The following RBFOX1 variants were observed in gnomAD, a reference collection of about 807,000 sequenced individuals.
The protein encoded by RBFOX1 is RNA binding protein fox-1 homolog 1.
In RBFOX1, 8 loss-of-function variants were observed where a neutral mutation model predicts 57.7. The observed-to-expected ratio is 0.14, with a 90% CI of 0.08 to 0.25. RBFOX1 has a LOEUF of 0.25. RBFOX1 is among the 10% of genes least tolerant of loss of function. RBFOX1 has a pLI of 1.00. For missense variants in RBFOX1, 611 were observed against 548.5 expected (o/e 1.11, Z -1.14); for synonymous variants, 326 against 222.4 (o/e 1.47, Z -4.15).
intron 4 of RBFOX1, among the ~76,000 whole-genome samples, chr16:5,937,908 C>T (rs548967873): frequency 2.6e-4 from 40 of 151,818 alleles, no homozygotes; most frequent in African/African-American, 9.2e-4. Flanking sequence ...TTTCAGTTGA[C>T]TTATTTCTTA....
chr16:7,064,186 T>C (rs12103019), intron 4 of RBFOX1, among the ~76,000 whole-genome samples: 97,334 of 132,184 alleles, frequency 0.74, 35,585 homozygotes, highest in East Asian at 0.91. Context: ...TTTTTTTTTC[T>C]GAGGTGGAGT....
At chr16:6,072,134 G>A (rs1199202310) in intron 1 of RBFOX1, among the ~76,000 whole-genome samples, 1 of 152,188 alleles carries the variant, frequency 6.6e-6, no homozygotes, top group Non-Finnish European at 1.5e-5. Flanking sequence ...TTACATGGCT[G>A]CAGGCAAGAG....
intron 4 of RBFOX1, among the ~76,000 whole-genome samples, chr16:7,292,009 A>ATG (rs2095789061): frequency 7.1e-6 from 1 of 141,244 alleles, no homozygotes; most frequent in Non-Finnish European, 1.5e-5. Flanking sequence ...TATATGTATT[A>ATG]TATATTGTAT....
At chr16:7,319,373 A>T (rs1193709282) in intron 4 of RBFOX1, among the ~76,000 whole-genome samples, 2 of 152,192 alleles carry the variant, frequency 1.3e-5, no homozygotes, top group Non-Finnish European at 2.9e-5. Flanking sequence ...GTGCCTAACC[A>T]GCTCAATAAG....
At chr16:7,478,387 T>A (rs1468167682) in intron 4 of RBFOX1, among the ~76,000 whole-genome samples, 1 of 152,138 alleles carries the variant, frequency 6.6e-6, no homozygotes, top group East Asian at 1.9e-4. Context: ...AAGGGAAAGA[T>A]TTTTTAAGGG....
intron 1 of RBFOX1, among the ~76,000 whole-genome samples, chr16:6,024,534 G>T (rs986130741): frequency 2.6e-5 from 4 of 152,076 alleles, no homozygotes; most frequent in African/African-American, 9.7e-5. Context: ...TGTATCCCAG[G>T]CTGTAGTACA....
intron 3 of RBFOX1, among the ~76,000 whole-genome samples, chr16:6,667,554 TATC>T (rs1193936837): frequency 6.6e-6 from 1 of 152,056 alleles, no homozygotes; most frequent in Non-Finnish European, 1.5e-5. Flanking sequence ...TGAGGGTACT[TATC>T]ATCTTGGCTA....
At chr16:7,208,903 C>G (rs2090538037) in intron 4 of RBFOX1, among the ~76,000 whole-genome samples, 1 of 152,054 alleles carries the variant, frequency 6.6e-6, no homozygotes, top group Non-Finnish European at 1.5e-5. Context: ...AGCAAGAATT[C>G]ACTCACCCTC....
At chr16:5,504,061 A>C (rs1168985388) in intron 2 of RBFOX1, among the ~76,000 whole-genome samples, 2 of 152,142 alleles carry the variant, frequency 1.3e-5, no homozygotes, top group Non-Finnish European at 2.9e-5. Flanking sequence ...CCTTCCTGGC[A>C]TCTGGAGCAG....
intron 1 of RBFOX1, among the ~76,000 whole-genome samples, chr16:6,315,455 C>A (rs578042729): frequency 3.3e-5 from 4 of 119,910 alleles, no homozygotes; most frequent in Non-Finnish European, 6.8e-5. Context: ...ATGGGTGAAT[C>A]GGTGGATGGG....
At chr16:5,895,517 G>A (rs1246528665) in intron 4 of RBFOX1, among the ~76,000 whole-genome samples, 3 of 152,176 alleles carry the variant, frequency 2.0e-5, no homozygotes, top group Non-Finnish European at 2.9e-5. Flanking sequence ...GTTTTCATTC[G>A]GAAATGATAA....
chr16:5,830,974 C>CG (rs1567599415), intron 3 of RBFOX1, among the ~76,000 whole-genome samples: 1 of 152,116 alleles, frequency 6.6e-6, no homozygotes, highest in African/African-American at 2.4e-5. Flanking sequence ...CTATCCCCCC[C>CG]CAACTCTGTT....
intron 14 of RBFOX1, among the ~76,000 whole-genome samples, chr16:7,703,605 G>A (rs950782737): frequency 5.3e-5 from 8 of 152,314 alleles, no homozygotes; most frequent in African/African-American, 1.9e-4. Flanking sequence ...AAACCCTGGT[G>A]TGGAGTACCA....
At chr16:6,129,740 T>A (rs2096616417) in intron 1 of RBFOX1, among the ~76,000 whole-genome samples, 1 of 126,568 alleles carries the variant, frequency 7.9e-6, no homozygotes, top group African/African-American at 3.2e-5. Flanking sequence ...ACATCAGTCA[T>A]ATTGACGAAA....
chr16:7,158,377 T>C (rs1210744298), intron 4 of RBFOX1, among the ~76,000 whole-genome samples: 1 of 152,142 alleles, frequency 6.6e-6, no homozygotes, highest in African/African-American at 2.4e-5. Flanking sequence ...GGGTTAGGGT[T>C]ATCACAACCA....
intron 2 of RBFOX1, among the ~76,000 whole-genome samples, chr16:6,531,102 A>G (rs1253887022): frequency 6.6e-6 from 1 of 152,184 alleles, no homozygotes; most frequent in Non-Finnish European, 1.5e-5. Flanking sequence ...CATGAGTGAC[A>G]GTCAAGTCAC....
chr16:7,495,830 A>G (rs1396074020), intron 4 of RBFOX1, among the ~76,000 whole-genome samples: 1 of 152,220 alleles, frequency 6.6e-6, no homozygotes, highest in Non-Finnish European at 1.5e-5. Context: ...AGCAAACATC[A>G]CCTGTTCCCC....
At chr16:7,076,738 C>T (rs930986490) in intron 4 of RBFOX1, among the ~76,000 whole-genome samples, 8 of 152,160 alleles carry the variant, frequency 5.3e-5, no homozygotes, top group Non-Finnish European at 1.2e-4. Context: ...TCACTCGTAA[C>T]AGTGTATGCA....
At chr16:6,891,813 G>C (rs1285622041) in intron 3 of RBFOX1, among the ~76,000 whole-genome samples, 1 of 152,194 alleles carries the variant, frequency 6.6e-6, no homozygotes, top group East Asian at 1.9e-4. Context: ...GGTTGAGCCA[G>C]CCTAATGTAG....
Sources: gnomAD v4.1 joint callset for allele counts (sites outside exome capture counted in the v4.1 genomes callset) on GRCh38, gnomAD v4.1.1 for gene constraint, MANE v1.5 for transcripts, NCBI Gene and HGNC (gene_info 2026-07-23, HGNC 2026-07-21) for gene names.